MCC: variants seen among roughly 807,000 people sequenced by gnomAD.
The protein encoded by MCC is MCC regulator of Wnt signaling pathway.
Under a neutral mutation model 116.2 loss-of-function variants are expected in MCC, and 90 were observed. The observed-to-expected ratio is 0.77, with a 90% confidence interval of 0.65 to 0.92. MCC has a LOEUF of 0.92. Among genes scored for constraint, MCC ranks in the 40% least tolerant of loss-of-function variants. The probability of loss-of-function intolerance (pLI) is 0.00; values close to 1 mark genes in which losing one functional copy is unlikely to be tolerated. For synonymous variants in MCC, 578 were observed against 510.5 expected (o/e 1.13, Z -1.78); for missense variants, 1,516 against 1,312.2 (o/e 1.16, Z -2.40).
intron 3 of MCC, among the ~76,000 whole-genome samples, chr5:113,264,031 A>G (rs2150349738): frequency 6.6e-6 from 1 of 152,254 alleles, no homozygotes; most frequent in Non-Finnish European, 1.5e-5. Context: ...TCATTTTACA[A>G]CAATGTTCTG....
At chr5:113,271,130 TC>T (rs535873323) in intron 3 of MCC, among the ~76,000 whole-genome samples, 39 of 152,348 alleles carry the variant, frequency 2.6e-4, no homozygotes, top group Non-Finnish European at 4.1e-4. Context: ...AATATACTTA[TC>T]TAAGAGGCCT....
At chr5:113,090,437 A>G (rs1276574171) in intron 8 of MCC, among the ~76,000 whole-genome samples, 2 of 152,144 alleles carry the variant, frequency 1.3e-5, no homozygotes, top group Non-Finnish European at 2.9e-5. Context: ...TGAAGAACAC[A>G]TTGTTTTCTT....
chr5:113,322,582 T>C (rs1767445754), intron 3 of MCC, among the ~76,000 whole-genome samples: 1 of 152,202 alleles, frequency 6.6e-6, no homozygotes, highest in Non-Finnish European at 1.5e-5. Context: ...CAATTAAACT[T>C]TCTTGGGTAA....
At chr5:113,171,091 T>C (rs1205764035) in intron 3 of MCC, among the ~76,000 whole-genome samples, 1 of 151,988 alleles carries the variant, frequency 6.6e-6, no homozygotes, top group Non-Finnish European at 1.5e-5. Context: ...CACAAAAATT[T>C]GATCACAACT....
intron 3 of MCC, among the ~76,000 whole-genome samples, chr5:113,251,745 G>A (rs1234409038): frequency 6.6e-6 from 1 of 152,132 alleles, no homozygotes; most frequent in East Asian, 1.9e-4. Flanking sequence ...ACAAAATACT[G>A]AGCCCAAACA....
intron 11 of MCC, among the ~76,000 whole-genome samples, chr5:113,071,883 C>T (rs1369098369): frequency 4.6e-5 from 7 of 152,106 alleles, no homozygotes; most frequent in Non-Finnish European, 1.0e-4. Flanking sequence ...GGGAAATGGA[C>T]GAGGAGCTAT....
At chr5:113,120,121 A>G (rs1002771838) in intron 6 of MCC, among the ~76,000 whole-genome samples, 1 of 152,252 alleles carries the variant, frequency 6.6e-6, no homozygotes, top group East Asian at 1.9e-4. Context: ...ACATTCTACA[A>G]TGATAAGCAA....
intron 3 of MCC, among the ~76,000 whole-genome samples, chr5:113,266,794 C>CA (rs1199953587): frequency 2.7e-5 from 4 of 147,164 alleles, no homozygotes; most frequent in East Asian, 3.9e-4. Context: ...TCCATATGGA[C>CA]AAAAAAACAA....
At chr5:113,357,892 A>C (rs1768452013) in intron 2 of MCC, among the ~76,000 whole-genome samples, 1 of 152,236 alleles carries the variant, frequency 6.6e-6, no homozygotes, top group East Asian at 1.9e-4. Context: ...CAGAGGTCAA[A>C]CTGCACACTT....
intron 1 of MCC, among the ~76,000 whole-genome samples, chr5:113,437,938 C>T (rs529821482): frequency 8.5e-5 from 13 of 152,214 alleles, no homozygotes; most frequent in Non-Finnish European, 4.4e-5. Flanking sequence ...CCTTCAGTGC[C>T]ATGTGGGATT....
chr5:113,307,155 G>T (rs1767006374), intron 3 of MCC, among the ~76,000 whole-genome samples: 1 of 152,124 alleles, frequency 6.6e-6, no homozygotes, highest in South Asian at 2.1e-4. Flanking sequence ...GCATTTCAAA[G>T]AATTTTAGGA....
intron 3 of MCC, among the ~76,000 whole-genome samples, chr5:113,277,780 GGA>G (rs1765884326): frequency 6.6e-6 from 1 of 152,122 alleles, no homozygotes; most frequent in Non-Finnish European, 1.5e-5. Flanking sequence ...CATCTACTGT[GGA>G]GAGACTGGAA....
intron 3 of MCC, among the ~76,000 whole-genome samples, chr5:113,229,167 C>T (rs544060674): frequency 2.0e-5 from 3 of 151,808 alleles, no homozygotes; most frequent in African/African-American, 4.8e-5. Context: ...CCCAACATGG[C>T]GGATGGGGAG....
rs373998879 is a variant in MCC, at chr5:113,385,164, C to T, written c.219G>A (p.Val73=). Residue 73 remains valine, a synonymous_variant, in exon 2 of 19, where the codon GTG becomes GTA. Coordinates refer to ENST00000408903, the MANE Select transcript of MCC (RefSeq NM_001085377.2). Reference sequence around the variant, plus strand: ...CTCCCAACTGGTTCATGATCTCAGCCACAGACTCTTCCATATTCAGCTGGC... The same window carrying T: ...CTCCCAACTGGTTCATGATCTCAGCTACAGACTCTTCCATATTCAGCTGGC... ...VCRQLNMEES[V]AEIMNQLGAD... 3 of 1,614,002 alleles carry T rather than the reference C, an allele frequency of 1.9e-6. No individual in the cohort carries two copies. Among genetic ancestry groups the T allele is most frequent in the Admixed American group, 1.7e-5 (1 of 59,984 alleles).
At chr5:113,349,160 A>G (rs1020308565) in intron 2 of MCC, among the ~76,000 whole-genome samples, 1 of 152,046 alleles carries the variant, frequency 6.6e-6, no homozygotes, top group Admixed American at 6.6e-5. Context: ...AAAGTGTTCA[A>G]AAAAATAGAG....
intron 2 of MCC, among the ~76,000 whole-genome samples, chr5:113,355,676 T>C (rs1768393267): frequency 1.3e-5 from 2 of 152,118 alleles, no homozygotes; most frequent in African/African-American, 4.8e-5. Context: ...TGCTGTGTCC[T>C]CACATGGTAA....
intron 1 of MCC, among the ~76,000 whole-genome samples, chr5:113,486,417 A>G (rs1324461919): frequency 2.0e-5 from 3 of 152,222 alleles, no homozygotes; most frequent in Non-Finnish European, 2.9e-5. Flanking sequence ...CCCGGGTAGA[A>G]TCACCGAAAA....
intron 3 of MCC, among the ~76,000 whole-genome samples, chr5:113,334,474 G>A (rs1034744185): frequency 6.6e-6 from 1 of 151,092 alleles, no homozygotes; most frequent in Non-Finnish European, 1.5e-5. Context: ...CCAAAGTGCT[G>A]GGATTACAGG....
chr5:113,445,520 T>C (rs906469390), intron 1 of MCC, among the ~76,000 whole-genome samples: 3 of 151,814 alleles, frequency 2.0e-5, no homozygotes, highest in African/African-American at 7.3e-5. Flanking sequence ...AAAAATAAAA[T>C]AGGAATACAT....
Sources: gnomAD v4.1 joint callset for allele counts (sites outside exome capture counted in the v4.1 genomes callset) on GRCh38, gnomAD v4.1.1 for gene constraint, MANE v1.5 for transcripts, NCBI Gene and HGNC (gene_info 2026-07-23, HGNC 2026-07-21) for gene names.